The following CMIP variants were observed in gnomAD, a reference collection of about 807,000 sequenced individuals.
CMIP encodes the protein c-Maf inducing protein, also known as C-Maf-inducing protein.
A neutral mutation model predicts 97.3 loss-of-function variants in CMIP; 13 were observed. That is an observed-to-expected ratio of 0.13 (90% CI 0.09 to 0.21). CMIP has a LOEUF of 0.21. Among genes scored for constraint, CMIP ranks in the 10% least tolerant of loss-of-function variants. CMIP has a pLI of 1.00. For missense variants in CMIP, 847 were observed against 1,024.9 expected (o/e 0.83, Z 2.37); for synonymous variants, 538 against 436.3 (o/e 1.23, Z -2.91).
intron 1 of CMIP, among the ~76,000 whole-genome samples, chr16:81,529,957 T>C (rs2090200349): frequency 6.6e-6 from 1 of 152,198 alleles, no homozygotes; most frequent in African/African-American, 2.4e-5. Flanking sequence ...AGGAACCTTA[T>C]ACATGGGCAG....
chr16:81,616,301 G>A lies in CMIP; in HGVS notation c.427-4575G>A, dbSNP rs755174726. ...GGGCCGAGGGCTTGAAGAAGTGGCCGCCAGAAGCTTCAGGAGAGCGGAGGA... is the reference window on the plus strand; with the variant it reads ...GGGCCGAGGGCTTGAAGAAGTGGCCACCAGAAGCTTCAGGAGAGCGGAGGA... On this transcript the variant is annotated intron_variant, in intron 2 of 20. Coordinates refer to ENST00000537098, the MANE Select transcript of CMIP (RefSeq NM_198390.3). This position sits in a 1 kb window ranked among gnomAD's most constrained non-coding sequence, Gnocchi z 4.7. Among the ~76,000 whole-genome samples the A allele has an allele frequency of 4.6e-5, 7 of 152,068 alleles. No individual in the cohort carries two copies. Among genetic ancestry groups the A allele is most frequent in the Admixed American group, 6.6e-5 (1 of 15,266 alleles).
At chr16:81,625,061 C>T (rs1334637945) in intron 3 of CMIP, among the ~76,000 whole-genome samples, 2 of 152,210 alleles carry the variant, frequency 1.3e-5, no homozygotes, top group Non-Finnish European at 2.9e-5. Context: ...ATAAGTCAGT[C>T]GCACAAGGTT....
At chr16:81,586,789 C>T (rs901977232) in intron 1 of CMIP, among the ~76,000 whole-genome samples, 8 of 152,210 alleles carry the variant, frequency 5.3e-5, no homozygotes, top group African/African-American at 1.9e-4. Flanking sequence ...TGACTCCCCA[C>T]TCAACTGTGG....
intron 1 of CMIP, among the ~76,000 whole-genome samples, chr16:81,497,039 T>C (rs2089505044): frequency 6.6e-6 from 1 of 152,204 alleles, no homozygotes; most frequent in Admixed American, 6.5e-5. Flanking sequence ...GTGTCCGGGC[T>C]GTGGGGATGT....
At chr16:81,540,632 G>A (rs568933972) in intron 1 of CMIP, among the ~76,000 whole-genome samples, 2 of 140,196 alleles carry the variant, frequency 1.4e-5, no homozygotes, top group Non-Finnish European at 3.1e-5. Flanking sequence ...AGTTAAATGT[G>A]TCTTGTTTTG....
At chr16:81,628,775 T>C (rs538214755) in intron 3 of CMIP, among the ~76,000 whole-genome samples, 31 of 152,168 alleles carry the variant, frequency 2.0e-4, no homozygotes, top group African/African-American at 7.5e-4. Flanking sequence ...AGAGCCTGGG[T>C]GTTGCTGGTG....
intron 1 of CMIP, among the ~76,000 whole-genome samples, chr16:81,588,912 A>G (rs1159427851): frequency 1.3e-5 from 2 of 152,090 alleles, no homozygotes; most frequent in Non-Finnish European, 2.9e-5. Flanking sequence ...ATAAAGCCCA[A>G]CTGGCTCTCT....
chr16:81,581,652 A>G (rs1272154566), intron 1 of CMIP, among the ~76,000 whole-genome samples: 1 of 152,188 alleles, frequency 6.6e-6, no homozygotes, highest in African/African-American at 2.4e-5. Context: ...TAGAAGGGGA[A>G]TAGCCGAGCT....
intron 1 of CMIP, among the ~76,000 whole-genome samples, chr16:81,468,831 G>A (rs937451078): frequency 2.6e-5 from 4 of 152,216 alleles, no homozygotes; most frequent in African/African-American, 7.2e-5. Flanking sequence ...GGGAAAGTCC[G>A]AGGGGCCTGG....
At chr16:81,488,309 G>T (rs2966088) in intron 1 of CMIP, among the ~76,000 whole-genome samples, 56,820 of 151,976 alleles carry the variant, frequency 0.37, 10,798 homozygotes, top group Admixed American at 0.43. Flanking sequence ...ACTTCCTAGT[G>T]GGTGACCTTG....
chr16:81,577,696 A>G (rs528137088), intron 1 of CMIP, among the ~76,000 whole-genome samples: 46 of 150,250 alleles, frequency 3.1e-4, no homozygotes, highest in African/African-American at 1.1e-3. Flanking sequence ...TATTATCACT[A>G]TCACCATCAC....
intron 3 of CMIP, among the ~76,000 whole-genome samples, chr16:81,636,654 T>C (rs1490316020): frequency 6.6e-6 from 1 of 152,006 alleles, no homozygotes; most frequent in African/African-American, 2.4e-5. Flanking sequence ...AATATCACCG[T>C]CATGATTCCA....
chr16:81,544,558 AG>A (rs1234377246), intron 1 of CMIP, among the ~76,000 whole-genome samples: 6 of 151,286 alleles, frequency 4.0e-5, no homozygotes, highest in African/African-American at 1.5e-4. Context: ...TATATCTTGG[AG>A]CCTAAGGACT....
In CMIP at chr16:81,693,468, C is replaced by T; in HGVS notation, c.1511C>T (p.Ala504Val). The T allele has an allele frequency of 6.2e-7, 1 of 1,612,726 alleles. No homozygotes were observed. The highest frequency in any genetic ancestry group is 8.5e-7 in the Non-Finnish European group (1 of 1,179,384). Reference protein sequence around the residue: ...KELKYVIQRFAEDPRQEVHSC... With the variant: ...KELKYVIQRFVEDPRQEVHSC... Reference sequence around the variant, plus strand: ...CTGAAGTACGTGATTCAGAGGTTCGCCGAAGACCCCAGGCAAGAGGTGAGG... The same window carrying T: ...CTGAAGTACGTGATTCAGAGGTTCGTCGAAGACCCCAGGCAAGAGGTGAGG... Residue 504 changes from alanine (A) to valine (V), a missense_variant, in exon 13 of 21, where the codon GCC (alanine) becomes GTC (valine). Physicochemically the swap from Ala to Val is moderately conservative, Grantham distance 64. Around this residue, in one of 4 missense-constraint regions of CMIP, gnomAD observed 266 missense variants for 384.2 expected, o/e 0.69. Coordinates refer to ENST00000537098, the MANE Select transcript of CMIP (RefSeq NM_198390.3).
chr16:81,486,682 A>G (rs2150761981), intron 1 of CMIP, among the ~76,000 whole-genome samples: 1 of 152,322 alleles, frequency 6.6e-6, no homozygotes, highest in South Asian at 2.1e-4. Flanking sequence ...CTCCCCAGGA[A>G]CTAATTTCTT....
intron 1 of CMIP, among the ~76,000 whole-genome samples, chr16:81,549,729 C>T (rs554814121): frequency 3.3e-5 from 5 of 152,188 alleles, no homozygotes; most frequent in African/African-American, 2.4e-5. Flanking sequence ...CTGGGCAGAC[C>T]GAGCCCAGAG....
At chr16:81,528,479 C>T (rs1015954111) in intron 1 of CMIP, among the ~76,000 whole-genome samples, 2 of 152,144 alleles carry the variant, frequency 1.3e-5, no homozygotes, top group African/African-American at 4.8e-5. Context: ...AGAGGTGGAG[C>T]GTGGAGCTGG....
intron 1 of CMIP, among the ~76,000 whole-genome samples, chr16:81,523,133 T>G (rs769940920): frequency 2.0e-5 from 3 of 152,142 alleles, no homozygotes; most frequent in Non-Finnish European, 2.9e-5. Context: ...TTGCCCAGAC[T>G]GGCCTCGAAT....
chr16:81,549,319 T>A (rs1317026419), intron 1 of CMIP, among the ~76,000 whole-genome samples: 1 of 152,208 alleles, frequency 6.6e-6, no homozygotes, highest in Non-Finnish European at 1.5e-5. Flanking sequence ...AACCTTACCC[T>A]GGAAAATGCC....
Sources: gnomAD v4.1 joint callset for allele counts (sites outside exome capture counted in the v4.1 genomes callset) on GRCh38, gnomAD v4.1.1 for gene constraint, gnomAD v4.1.1 regional missense constraint, Gnocchi (gnomAD v3.1) non-coding constraint, MANE v1.5 for transcripts, NCBI Gene and HGNC (gene_info 2026-07-23, HGNC 2026-07-21) for gene names.